MMP2: variants seen among roughly 807,000 people sequenced by gnomAD.
MMP2 encodes the protein 72 kDa type IV collagenase.
In MMP2, 39 loss-of-function variants were observed where a neutral mutation model predicts 74.8. That is an observed-to-expected ratio of 0.52 (90% CI 0.40 to 0.68). MMP2 has a LOEUF of 0.68. MMP2 is among the 30% of genes least tolerant of loss of function. The pLI is 0.00. For synonymous variants in MMP2, 367 were observed against 339.8 expected (o/e 1.08, Z -0.88); for missense variants, 803 against 878.3 (o/e 0.91, Z 1.08).
chr16:55,505,500 G>A lies in MMP2; in HGVS notation c.*58G>A, dbSNP rs1962778082. On this transcript the variant is annotated 3_prime_UTR_variant, in exon 13 of 13. Coordinates refer to ENST00000219070, the MANE Select transcript of MMP2 (RefSeq NM_004530.6). Reference sequence around the variant, plus strand: ...CACTGCCTTCGATACACCGGGCCTGGAGAACTAGAGAAGGACCCGGAGGGG... The same window carrying A: ...CACTGCCTTCGATACACCGGGCCTGAAGAACTAGAGAAGGACCCGGAGGGG... 3.4e-6 allele frequency: 5 copies of A among 1,474,066 alleles called. No homozygotes were observed. The highest frequency in any genetic ancestry group is 1.4e-5 in the African/African-American group (1 of 72,242). 91.3% of individuals were successfully genotyped at this position (1,474,066 alleles called of 1,614,324 possible). A position where few individuals can be genotyped will look rare whatever the true frequency, so the allele number is the denominator to read the frequency against.
intron 7 of MMP2, among the ~76,000 whole-genome samples, chr16:55,490,598 A>C (rs1350541451): frequency 6.6e-6 from 1 of 152,200 alleles, no homozygotes. Context: ...AAGCTCCCTG[A>C]TGGCCCATAA....
intron 3 of MMP2, 70 bp from the exon 4 acceptor site, chr16:55,485,229 A>C (rs1277823805): frequency 1.3e-6 from 2 of 1,599,968 alleles, no homozygotes; most frequent in African/African-American, 1.4e-5. Context: ...CTCCACATGT[A>C]GATGGGGTGT....
At chr16:55,498,158 A>G (rs1962575376) in intron 10 of MMP2, 131 bp from the exon 11 acceptor site, 1 of 1,185,740 alleles carries the variant, frequency 8.4e-7, no homozygotes, top group African/African-American at 1.5e-5. Flanking sequence ...CACTGCAACC[A>G]GGAGTGAGCA....
intron 2 of MMP2, 115 bp downstream of exon 2, chr16:55,483,250 A>T (rs1477017): frequency 1.3e-6 from 1 of 769,838 alleles, no homozygotes; most frequent in Non-Finnish European, 2.1e-6. Context: ...TGAAGGCTTG[A>T]CATCTTAGGG....
chr16:55,480,833 T>C (rs902438318), intron 1 of MMP2, among the ~76,000 whole-genome samples: 1 of 152,168 alleles, frequency 6.6e-6, no homozygotes, highest in Non-Finnish European at 1.5e-5. Context: ...CCCCTCTGGA[T>C]AGATGGGTTG....
At chr16:55,493,086 C>T (rs757959898) in intron 8 of MMP2, 72 bp from the exon 9 acceptor site, 3 of 1,592,706 alleles carry the variant, frequency 1.9e-6, no homozygotes, top group Non-Finnish European at 1.7e-6. Context: ...TGGGTGGGCA[C>T]CCCTGGGGGC....
intron 11 of MMP2, 92 bp from the exon 12 acceptor site, chr16:55,502,687 C>A: frequency 8.7e-7 from 1 of 1,144,394 alleles, no homozygotes; most frequent in Non-Finnish European, 1.3e-6. Flanking sequence ...GAGGCCTATC[C>A]AGGAGCCATC....
intron 7 of MMP2, among the ~76,000 whole-genome samples, chr16:55,490,525 G>T (rs532307281): frequency 6.6e-6 from 1 of 152,284 alleles, no homozygotes; most frequent in Non-Finnish European, 1.5e-5. Context: ...AGTGCAGTGA[G>T]CAGGGTGCTT....
intron 11 of MMP2, among the ~76,000 whole-genome samples, chr16:55,500,626 A>G (rs1962647414): frequency 6.6e-6 from 1 of 152,068 alleles, no homozygotes; most frequent in African/African-American, 2.4e-5. Context: ...CCACCTCCCA[A>G]AGCCAGAGCC....
Position 55,497,208 on chromosome 16 carries a change from A to T in MMP2, c.1609+146A>T. ...CTTTCCTTTATGGATTCATTCTTTC[A>T]ACATTATTTCCTGAAGTGCGCAGCT... On this transcript the variant is annotated intron_variant, in intron 10 of 12. Coordinates refer to ENST00000219070, the MANE Select transcript of MMP2 (RefSeq NM_004530.6). The T allele has an allele frequency of 9.7e-6, 11 of 1,137,260 alleles. No homozygotes were observed. The South Asian group carries it at 1.4e-4, about 15-fold the overall frequency. 70.4% of individuals were successfully genotyped at this position (1,137,260 alleles called of 1,614,324 possible).
chr16:55,488,831 A>G (rs1378029216), intron 6 of MMP2, 115 bp downstream of exon 6: 3 of 1,101,148 alleles, frequency 2.7e-6, no homozygotes, highest in Non-Finnish European at 4.0e-6. Flanking sequence ...GTGCTAAGAC[A>G]TCTGTGCGAA....
intron 12 of MMP2, among the ~76,000 whole-genome samples, chr16:55,504,877 C>T (rs1962758336): frequency 1.3e-5 from 2 of 152,002 alleles, no homozygotes; most frequent in Non-Finnish European, 1.5e-5. Flanking sequence ...TGGTCTTGAT[C>T]TCCTGACTTC....
In MMP2 at chr16:55,489,833, C is replaced by T; in HGVS notation, c.1180+9C>T. The T allele has an allele frequency of 6.2e-7, 1 of 1,613,702 alleles. No individual in the cohort carries two copies. Among genetic ancestry groups the T allele is most frequent in the Non-Finnish European group, 8.5e-7 (1 of 1,179,860 alleles). On this transcript the variant is annotated intron_variant, in intron 7 of 12. Transcript: ENST00000219070. ...CTTCTGCCCTGACCAAGGTACGAGG[C>T]CCTGGTCATTGGACAGAGACCCTGG...
intron 10 of MMP2, among the ~76,000 whole-genome samples, chr16:55,498,027 C>T (rs552915330): frequency 6.6e-6 from 1 of 152,268 alleles, no homozygotes; most frequent in East Asian, 1.9e-4. Flanking sequence ...ACAGCAAGGC[C>T]CTTAGAGTGC....
At chr16:55,492,483 C>CT (rs1567378435) in intron 8 of MMP2, among the ~76,000 whole-genome samples, 1 of 151,098 alleles carries the variant, frequency 6.6e-6, no homozygotes, top group African/African-American at 2.4e-5. Flanking sequence ...ATTGTTGGTT[C>CT]TTACAGTGAG....
chr16:55,481,435 G>C (rs1596805803), intron 1 of MMP2: 1 of 166,470 alleles, frequency 6.0e-6, no homozygotes, highest in Non-Finnish European at 1.3e-5. Flanking sequence ...TTGCAGTCTT[G>C]GTTTGGGTGG....
intron 1 of MMP2, among the ~76,000 whole-genome samples, chr16:55,481,096 C>A (rs1264371117): frequency 1.3e-5 from 2 of 152,070 alleles, no homozygotes; most frequent in African/African-American, 2.4e-5. Flanking sequence ...AAAGTGAAAA[C>A]AAATTTATTA....
intron 9 of MMP2, among the ~76,000 whole-genome samples, chr16:55,496,197 G>C (rs1962524422): frequency 6.6e-6 from 1 of 152,192 alleles, no homozygotes; most frequent in South Asian, 2.1e-4. Context: ...TTTCTAATGA[G>C]TTCTCAGGTG....
At chr16:55,484,198 AG>A in intron 3 of MMP2, 34 bp downstream of exon 3, 1 of 1,609,702 alleles carries the variant, frequency 6.2e-7, no homozygotes, top group Admixed American at 1.7e-5. Context: ...AGGGGCCAGC[AG>A]GGATCAGTGT....
Sources: allele counts gnomAD v4.1 joint callset (sites outside exome capture counted in the v4.1 genomes callset), GRCh38; gene constraint gnomAD v4.1.1; transcripts MANE v1.5; gene names NCBI Gene and HGNC (gene_info 2026-07-23, HGNC 2026-07-21).